CCT6B: variants seen among roughly 807,000 people sequenced by gnomAD.
The protein encoded by CCT6B is chaperonin containing TCP1 subunit 6B.
A neutral mutation model predicts 61.5 loss-of-function variants in CCT6B; 49 were observed. That is an observed-to-expected ratio of 0.80 (90% CI 0.63 to 1.01). The LOEUF (loss-of-function observed/expected upper bound fraction) is 1.01, where lower values mean the gene tolerates loss of function less well. CCT6B is among the 50% of genes least tolerant of loss of function. The pLI is 0.00. For synonymous variants in CCT6B, 228 were observed against 214.5 expected (o/e 1.06, Z -0.55); for missense variants, 666 against 634.7 (o/e 1.05, Z -0.53).
At chr17:34,935,891 A>C (rs935177027) in intron 10 of CCT6B, among the ~76,000 whole-genome samples, 2 of 151,976 alleles carry the variant, frequency 1.3e-5, no homozygotes, top group African/African-American at 4.8e-5. Context: ...GATCATCTCA[A>C]TAGATGCACA....
chr17:34,930,042 C>T (rs984691744), intron 12 of CCT6B, among the ~76,000 whole-genome samples: 1 of 152,158 alleles, frequency 6.6e-6, no homozygotes, highest in Non-Finnish European at 1.5e-5. Flanking sequence ...TGGAGAGTGG[C>T]CAGAGTGATT....
At chr17:34,956,919 C>T (rs953968659) in intron 3 of CCT6B, among the ~76,000 whole-genome samples, 2 of 152,078 alleles carry the variant, frequency 1.3e-5, no homozygotes, top group African/African-American at 4.8e-5. Context: ...AGGCAATCCT[C>T]CTGCCTCAGC....
rs140557682 is a variant in CCT6B, at chr17:34,945,947, A to G, written c.615-3041T>C. Among the ~76,000 whole-genome samples the G allele has an allele frequency of 3.0e-3, 450 of 152,346 alleles. 2 individuals carry two copies. The highest frequency in any genetic ancestry group is 0.01 in the African/African-American group (430 of 41,578). ...TCATTTGACAATCCAGGCAAATCTG[A>G]ACTTCGGTTTCAATGTCTTCACAAT... is the stretch of plus-strand genomic sequence containing the variant. On this transcript the variant is annotated intron_variant, in intron 5 of 13. Transcript: ENST00000314144.
intron 5 of CCT6B, among the ~76,000 whole-genome samples, chr17:34,951,380 G>C (rs988436052): frequency 6.6e-6 from 1 of 152,108 alleles, no homozygotes; most frequent in East Asian, 1.9e-4. Flanking sequence ...GGAAGGGTAT[G>C]CTTCATATGT....
intron 11 of CCT6B, 80 bp downstream of exon 11, chr17:34,932,287 C>T: frequency 7.8e-7 from 1 of 1,276,306 alleles, no homozygotes; most frequent in Non-Finnish European, 1.1e-6. Flanking sequence ...ACTCCATTAA[C>T]TATCAGATAA....
intron 13 of CCT6B, 96 bp from the exon 14 acceptor site, chr17:34,928,213 AATG>A: frequency 1.5e-6 from 1 of 673,012 alleles, no homozygotes; most frequent in Non-Finnish European, 2.6e-6. Context: ...TTTGTTCTTT[AATG>A]ATGTTAGTAT....
chr17:34,948,193 T>A (rs552717943), intron 5 of CCT6B, among the ~76,000 whole-genome samples: 6 of 152,194 alleles, frequency 3.9e-5, no homozygotes, highest in African/African-American at 1.4e-4. Context: ...TTATCCCTCA[T>A]CCTTCTCCCA....
chr17:34,952,355 C>T (rs972920664), intron 4 of CCT6B, among the ~76,000 whole-genome samples: 6 of 152,110 alleles, frequency 3.9e-5, no homozygotes, highest in African/African-American at 1.4e-4. Flanking sequence ...AGTAACAGGG[C>T]CGGGACTAGA....
intron 5 of CCT6B, among the ~76,000 whole-genome samples, chr17:34,950,401 T>C (rs1291162759): frequency 6.6e-6 from 1 of 151,794 alleles, no homozygotes; most frequent in Non-Finnish European, 1.5e-5. Flanking sequence ...GGGAAAAAAT[T>C]ATCACAACAA....
At chr17:34,960,442 TG>T (rs966330659) in intron 1 of CCT6B, among the ~76,000 whole-genome samples, 4 of 152,340 alleles carry the variant, frequency 2.6e-5, no homozygotes, top group African/African-American at 9.6e-5. Flanking sequence ...TTCCAACTAG[TG>T]AAGTCTTATT....
chr17:34,952,159 T>G, intron 4 of CCT6B, 106 bp from the exon 5 acceptor site: 1 of 650,770 alleles, frequency 1.5e-6, no homozygotes, highest in Non-Finnish European at 2.6e-6. Context: ...CCTTCAGGAT[T>G]CAAAACCTAG....
chr17:34,950,413 G>T (rs1433988365), intron 5 of CCT6B, among the ~76,000 whole-genome samples: 1 of 152,052 alleles, frequency 6.6e-6, no homozygotes, highest in Admixed American at 6.6e-5. Flanking sequence ...TCACAACAAG[G>T]AAAGAAAGGC....
chr17:34,940,676 A>C, intron 7 of CCT6B, 55 bp from the exon 8 acceptor site: 1 of 968,134 alleles, frequency 1.0e-6, no homozygotes, highest in Non-Finnish European at 1.6e-6. Flanking sequence ...GTATTTCTCA[A>C]ACCTTTTGGT....
chr17:34,939,577 T>C (rs184425043), intron 9 of CCT6B, 40 bp downstream of exon 9: 77 of 1,242,368 alleles, frequency 6.2e-5, no homozygotes, highest in Middle Eastern at 1.9e-4. Context: ...AAAGGGGGCT[T>C]AGTATTCACT....
At chr17:34,955,183 C>T (rs1343924222) in intron 3 of CCT6B, among the ~76,000 whole-genome samples, 5 of 152,110 alleles carry the variant, frequency 3.3e-5, no homozygotes, top group African/African-American at 1.2e-4. Flanking sequence ...TAAAAGGCAG[C>T]TCAGGAACTA....
In CCT6B at chr17:34,928,077, T is replaced by C. The variant is rs2089988947; in HGVS notation, c.1564A>G (p.Met522Val). 2 of 1,612,046 alleles carry C rather than the reference T, an allele frequency of 1.2e-6. No homozygotes were observed. Among genetic ancestry groups the C allele is most frequent in the Non-Finnish European group, 8.5e-7 (1 of 1,179,168 alleles). The change falls in exon 14 of 14, where the codon ATG becomes GTG. Residue 522 changes from methionine to valine, a missense_variant. By Grantham distance (21) the Met-to-Val change is conservative. Coordinates refer to ENST00000314144, the MANE Select transcript of CCT6B (RefSeq NM_006584.4). ...TTGAGAGAAGACATCCCAGCTCGCA[T>C]AATTTCATCAACCAGGAGAATGTTG... Reference protein sequence around the residue: ...ATNILLVDEIMRAGMSSLK With the variant: ...ATNILLVDEIVRAGMSSLK
rs1331287286 is a variant in CCT6B at position 34,942,873 on chromosome 17, G to A, written c.648C>T (p.Ala216=). The change falls in exon 6 of 14, where the codon GCC becomes GCT. Residue 216 remains alanine (A), a synonymous_variant. Coordinates refer to ENST00000314144, the MANE Select transcript of CCT6B (RefSeq NM_006584.4). Reference sequence around the variant, plus strand: ...CTCGCTTCTTCATATCTGGATGACGGGCACCATGATCCAAAACTAATCCTT... The same window carrying A: ...CTCGCTTCTTCATATCTGGATGACGAGCACCATGATCCAAAACTAATCCTT... The part of the protein sequence containing the change: ...LIQGLVLDHG[A]RHPDMKKRVE... 5 of 1,609,328 alleles carry A rather than the reference G, an allele frequency of 3.1e-6. No individual in the cohort carries two copies. In the Admixed American group the frequency reaches 5.0e-5, roughly 16 times the overall value.
Position 34,939,261 on chromosome 17 carries a change from G to A in CCT6B, c.1135C>T (p.Pro379Ser), listed in dbSNP as rs1294320016. 6.2e-7 allele frequency: 1 copy of A among 1,613,668 alleles called. No homozygotes were observed. The highest frequency in any genetic ancestry group is 8.5e-7 in the Non-Finnish European group (1 of 1,179,740). Residue 379 changes from proline (P) to serine (S), a missense_variant, in exon 10 of 14, where the codon CCA becomes TCA. Transcript: ENST00000314144. ...PCSVTLLVKGPNKHTLTQVKD... is the reference protein window; with the variant it reads ...PCSVTLLVKGSNKHTLTQVKD... ...ACTTGTGTGAGAGTATGCTTATTTG[G>A]TCCTTTAACCAACAAGGTAACAGAG...
chr17:34,933,532 T>C (rs1222533941), intron 10 of CCT6B, among the ~76,000 whole-genome samples: 1 of 152,172 alleles, frequency 6.6e-6, no homozygotes, highest in Non-Finnish European at 1.5e-5. Flanking sequence ...CATCATTACC[T>C]CCCATTCACA....
Sources: gnomAD v4.1 joint callset for allele counts (sites outside exome capture counted in the v4.1 genomes callset) on GRCh38, gnomAD v4.1.1 for gene constraint, MANE v1.5 for transcripts, NCBI Gene and HGNC (gene_info 2026-07-23, HGNC 2026-07-21) for gene names.